The following SEMA3D variants were observed in gnomAD, a reference collection of about 807,000 sequenced individuals.
The protein encoded by SEMA3D is semaphorin 3D.
In SEMA3D, 84 loss-of-function variants were observed where a neutral mutation model predicts 100.1. The observed-to-expected ratio is 0.84, with a 90% CI of 0.70 to 1.01. SEMA3D has a LOEUF of 1.01. Among genes scored for constraint, SEMA3D ranks in the 50% least tolerant of loss-of-function variants. The probability of loss-of-function intolerance (pLI) is 0.00; values close to 1 mark genes in which losing one functional copy is unlikely to be tolerated. For synonymous variants in SEMA3D, 312 were observed against 320.7 expected (o/e 0.97, Z 0.29); for missense variants, 875 against 934.1 (o/e 0.94, Z 0.82).
At chr7:85,124,411 C>T (rs1333658103) in intron 2 of SEMA3D, among the ~76,000 whole-genome samples, 1 of 151,766 alleles carries the variant, frequency 6.6e-6, no homozygotes, top group Non-Finnish European at 1.5e-5. Context: ...CATATATTCA[C>T]TTATATATAT....
At chr7:85,040,180 A>G (rs576752650) in intron 11 of SEMA3D, among the ~76,000 whole-genome samples, 16 of 151,600 alleles carry the variant, frequency 1.1e-4, no homozygotes, top group African/African-American at 3.6e-4. Context: ...GGGTCTCACT[A>G]TGTTGTCCAG....
intron 11 of SEMA3D, among the ~76,000 whole-genome samples, chr7:85,037,539 G>T (rs1020418226): frequency 1.1e-4 from 16 of 151,988 alleles, no homozygotes; most frequent in African/African-American, 3.9e-4. Context: ...CCTCTCGTTT[G>T]TTTTCTTACA....
intron 18 of SEMA3D, among the ~76,000 whole-genome samples, chr7:85,001,059 T>A (rs1004374442): frequency 1.3e-5 from 2 of 151,930 alleles, no homozygotes; most frequent in Non-Finnish European, 2.9e-5. Flanking sequence ...TAGGAAAAAA[T>A]CTCCCCAATT....
At chr7:85,013,099 A>AT (rs918263982) in intron 16 of SEMA3D, among the ~76,000 whole-genome samples, 5 of 151,750 alleles carry the variant, frequency 3.3e-5, no homozygotes, top group African/African-American at 4.8e-5. Context: ...CTTTTTCTCT[A>AT]TTTTTTTCAC....
chr7:85,073,196 A>C, intron 5 of SEMA3D, 115 bp from the exon 6 acceptor site: 4 of 937,272 alleles, frequency 4.3e-6, no homozygotes, highest in Non-Finnish European at 6.6e-6. Flanking sequence ...GCACAAATGA[A>C]AAAAGATTTA....
In SEMA3D at chr7:85,097,704, C is replaced by T. The variant is rs536396249; in HGVS notation, c.312+101G>A. 321 of 641,502 alleles carry T rather than the reference C, an allele frequency of 5.0e-4. 2 individuals are homozygous for T. In the African/African-American group the frequency reaches 5.3e-3, roughly 11 times the overall value. The allele number at this position is 641,502 out of a possible 1,614,324, so 39.7% of individuals were successfully genotyped here. ...TTTTTGACATGTATGTGATGCACTG[C>T]ATTTGACACTGTGTCCCTTAAAACA... On this transcript the variant is annotated intron_variant, in intron 4 of 18. Transcript: ENST00000284136.
intron 12 of SEMA3D, chr7:85,028,588 A>G (rs1790458123): frequency 4.0e-6 from 1 of 252,762 alleles, no homozygotes; most frequent in South Asian, 4.7e-5. Context: ...ATGGAAGGAC[A>G]CCGTGAGAAC....
chr7:85,092,911 T>G (rs1475178952), intron 4 of SEMA3D, among the ~76,000 whole-genome samples: 1 of 152,062 alleles, frequency 6.6e-6, no homozygotes, highest in Non-Finnish European at 1.5e-5. Context: ...TTTATGAGGA[T>G]TAGCAGATTT....
At chr7:85,071,930 A>T (rs1270098781) in intron 6 of SEMA3D, among the ~76,000 whole-genome samples, 1 of 152,210 alleles carries the variant, frequency 6.6e-6, no homozygotes, top group African/African-American at 2.4e-5. Flanking sequence ...ACTTGTCCTA[A>T]AGCTCAGTTG....
chr7:85,193,789 A>G, the SEMA3D span, among the ~76,000 whole-genome samples: 1,025 of 152,200 alleles, frequency 6.7e-3, 16 homozygotes, highest in African/African-American at 0.024. Context: ...CTACATTGCT[A>G]AAATTTTATG....
chr7:85,190,173 C>A (rs1791662556), upstream of SEMA3D, among the ~76,000 whole-genome samples: 1 of 152,042 alleles, frequency 6.6e-6, no homozygotes, highest in African/African-American at 2.4e-5. Context: ...GTTTTATATT[C>A]ACAAATCAAA....
chr7:85,007,027 T>TG, intron 17 of SEMA3D, 86 bp from the exon 18 acceptor site: 1 of 987,854 alleles, frequency 1.0e-6, no homozygotes. Flanking sequence ...ACAGATGCCA[T>TG]GGGGAAAGAA....
At chr7:85,033,405 G>T (rs997465163) in intron 12 of SEMA3D, among the ~76,000 whole-genome samples, 1 of 152,026 alleles carries the variant, frequency 6.6e-6, no homozygotes, top group Non-Finnish European at 1.5e-5. Context: ...TTTAAGCCTC[G>T]CATGACATTC....
At chr7:85,119,441 AG>A (rs1789344080) in intron 3 of SEMA3D, among the ~76,000 whole-genome samples, 1 of 152,200 alleles carries the variant, frequency 6.6e-6, no homozygotes, top group Non-Finnish European at 1.5e-5. Flanking sequence ...GCCATAAAAA[AG>A]AACGAGATCA....
intron 7 of SEMA3D, among the ~76,000 whole-genome samples, chr7:85,067,229 C>G (rs540606907): frequency 1.8e-4 from 27 of 152,228 alleles, no homozygotes; most frequent in African/African-American, 6.3e-4. Flanking sequence ...TCTTCCTTGT[C>G]CCTAAAATTA....
chr7:85,006,321 A>T (rs986121497), intron 18 of SEMA3D, among the ~76,000 whole-genome samples: 1 of 151,996 alleles, frequency 6.6e-6, no homozygotes, highest in Non-Finnish European at 1.5e-5. Flanking sequence ...ATTATTCATT[A>T]TAGTGTCCTT....
intron 1 of SEMA3D, among the ~76,000 whole-genome samples, chr7:85,185,217 C>A (rs1292038325): frequency 6.6e-6 from 1 of 152,018 alleles, no homozygotes; most frequent in African/African-American, 2.4e-5. Context: ...CACCCCTGCC[C>A]CCGCGGTTGC....
At chr7:85,013,701 A>G (rs532699890) in intron 16 of SEMA3D, among the ~76,000 whole-genome samples, 49 of 151,906 alleles carry the variant, frequency 3.2e-4, no homozygotes, top group African/African-American at 1.2e-3. Flanking sequence ...TCCATTATAC[A>G]CATCTTTTGG....
At chr7:85,219,709 A>G in the SEMA3D span, among the ~76,000 whole-genome samples, 4 of 152,062 alleles carry the variant, frequency 2.6e-5, no homozygotes, top group Admixed American at 6.6e-5. Context: ...ATCAAAATAT[A>G]TGCTTGCCAT....
Sources: gnomAD v4.1 joint callset for allele counts (sites outside exome capture counted in the v4.1 genomes callset) on GRCh38, gnomAD v4.1.1 for gene constraint, MANE v1.5 for transcripts, NCBI Gene and HGNC (gene_info 2026-07-23, HGNC 2026-07-21) for gene names.